The following ADAP2 variants were observed in gnomAD, a reference collection of about 807,000 sequenced individuals.
ADAP2 encodes arf-GAP with dual PH domain-containing protein 2.
In ADAP2, 42 loss-of-function variants were observed where a neutral mutation model predicts 54.9. That is an observed-to-expected ratio of 0.77 (90% confidence interval 0.60 to 0.99). The LOEUF is 0.99. Among genes scored for constraint, ADAP2 ranks in the 50% least tolerant of loss-of-function variants. ADAP2 has a pLI of 0.00. For missense variants in ADAP2, 429 were observed against 480.4 expected (o/e 0.89, Z 1.00); for synonymous variants, 177 against 180.1 (o/e 0.98, Z 0.14).
intron 6 of ADAP2, among the ~76,000 whole-genome samples, chr17:30,946,768 C>T (rs7216725): frequency 0.21 from 31,827 of 152,114 alleles, 10,486 homozygotes; most frequent in African/African-American, 0.7. Context: ...TATTGAGTCA[C>T]GGACATGTTA....
At chr17:30,949,431 T>A in intron 7 of ADAP2, 61 bp downstream of exon 7, 2 of 1,489,278 alleles carry the variant, frequency 1.3e-6, no homozygotes, top group Non-Finnish European at 9.4e-7. Context: ...TCTTTCCCTG[T>A]CTGTTGACCT....
At chr17:30,953,014 A>G (rs1378608274) in intron 7 of ADAP2, among the ~76,000 whole-genome samples, 1 of 152,144 alleles carries the variant, frequency 6.6e-6, no homozygotes, top group African/African-American at 2.4e-5. Context: ...GTCTCTGCAG[A>G]GCCTTGCCTA....
At chr17:30,950,751 C>G (rs1047574044) in intron 7 of ADAP2, among the ~76,000 whole-genome samples, 1 of 152,114 alleles carries the variant, frequency 6.6e-6, no homozygotes, top group Admixed American at 6.6e-5. Flanking sequence ...CAGCAAGGCC[C>G]GAGTCAGAGC....
At chr17:30,940,422 A>G (rs1015720054) in intron 5 of ADAP2, among the ~76,000 whole-genome samples, 2 of 151,828 alleles carry the variant, frequency 1.3e-5, no homozygotes, top group Non-Finnish European at 2.9e-5. Flanking sequence ...GTCCTGCCTC[A>G]GCCTCCCCAG....
chr17:30,936,432 G>GC (rs1911886261), intron 5 of ADAP2, among the ~76,000 whole-genome samples: 1 of 152,052 alleles, frequency 6.6e-6, no homozygotes, highest in Non-Finnish European at 1.5e-5. Context: ...CAAAGTACTA[G>GC]GATTATAGAT....
chr17:30,947,795 T>C (rs1164673631), intron 6 of ADAP2, among the ~76,000 whole-genome samples: 2 of 152,222 alleles, frequency 1.3e-5, no homozygotes, highest in African/African-American at 2.4e-5. Context: ...CACCACATTA[T>C]ATCAAAGTCA....
rs1598063064 is a variant in ADAP2, at chr17:30,957,932, A to G, written c.*63A>G. 2 of 1,532,290 alleles carry G rather than the reference A, an allele frequency of 1.3e-6. No individual in the cohort carries two copies. The highest frequency in any genetic ancestry group is 1.8e-6 in the Non-Finnish European group (2 of 1,116,622). 94.9% of individuals were successfully genotyped at this position (1,532,290 alleles called of 1,614,324 possible). A position where few individuals can be genotyped will look rare whatever the true frequency, so the allele number is the denominator to read the frequency against. On this transcript the variant is annotated 3_prime_UTR_variant, in exon 11 of 11. Transcript: ENST00000330889. ...GAACTCCTTGTGGGAAGAAGTTTGC[A>G]CCTCGGCCCTGGCTGCCCACCATCA...
At position 30,921,947 on chromosome 17, in the gene ADAP2, C is replaced by G; in HGVS notation, c.-68C>G. On this transcript the variant is annotated 5_prime_UTR_variant, in exon 1 of 11. Coordinates refer to ENST00000330889, the MANE Select transcript of ADAP2 (RefSeq NM_018404.3). Reference sequence around the variant, plus strand: ...CCTGGCTGAGGCGCCGCGGCCGGGTCCCTCTCCACCTGCCGGGCGGAGCGC... The same window carrying G: ...CCTGGCTGAGGCGCCGCGGCCGGGTGCCTCTCCACCTGCCGGGCGGAGCGC... 9.0e-7 allele frequency: 1 copy of G among 1,110,618 alleles called. No individual in the cohort carries two copies. Among genetic ancestry groups the G allele is most frequent in the Non-Finnish European group, 1.1e-6 (1 of 882,456 alleles). The allele number at this position is 1,110,618 out of a possible 1,614,324, so 68.8% of individuals were successfully genotyped here. A position where few individuals can be genotyped will look rare whatever the true frequency, so the allele number is the denominator to read the frequency against.
At chr17:30,946,997 T>C (rs947604625) in intron 6 of ADAP2, among the ~76,000 whole-genome samples, 1 of 152,146 alleles carries the variant, frequency 6.6e-6, no homozygotes, top group African/African-American at 2.4e-5. Context: ...GATACCCAGC[T>C]CCCTCCTATC....
At chr17:30,927,332 G>A (rs1167263074) in intron 3 of ADAP2, among the ~76,000 whole-genome samples, 1 of 152,246 alleles carries the variant, frequency 6.6e-6, no homozygotes, top group East Asian at 1.9e-4. Flanking sequence ...GTCTAGAGCT[G>A]GCCAGGCACG....
chr17:30,951,402 C>T (rs1904617240), intron 7 of ADAP2, among the ~76,000 whole-genome samples: 1 of 152,040 alleles, frequency 6.6e-6, no homozygotes, highest in Admixed American at 6.6e-5. Flanking sequence ...GTTCGGGACT[C>T]CATCTGTTTT....
At chr17:30,946,357 C>T (rs1912679089) in intron 6 of ADAP2, among the ~76,000 whole-genome samples, 1 of 151,804 alleles carries the variant, frequency 6.6e-6, no homozygotes, top group Non-Finnish European at 1.5e-5. Context: ...CTCAGCCTCC[C>T]GAGTGGCTGA....
intron 4 of ADAP2, 75 bp downstream of exon 4, chr17:30,932,043 G>A (rs1911526307): frequency 7.2e-7 from 1 of 1,396,456 alleles, no homozygotes; most frequent in African/African-American, 1.4e-5. Flanking sequence ...TAAATATTAG[G>A]AGCAAGATCC....
At chr17:30,957,431 T>A (rs1347687395) in intron 10 of ADAP2, among the ~76,000 whole-genome samples, 7 of 151,682 alleles carry the variant, frequency 4.6e-5, no homozygotes, top group South Asian at 2.1e-4. Flanking sequence ...TTTTTTTTTT[T>A]AATTTTCTTT....
intron 4 of ADAP2, among the ~76,000 whole-genome samples, chr17:30,933,574 G>A (rs1301123488): frequency 1.3e-5 from 2 of 151,902 alleles, no homozygotes; most frequent in Non-Finnish European, 1.5e-5. Context: ...ATCTCGGCTC[G>A]CTGCAACCTC....
At chr17:30,926,756 C>A in intron 2 of ADAP2, 71 bp from the exon 3 acceptor site, 2 of 1,369,898 alleles carry the variant, frequency 1.5e-6, no homozygotes, top group South Asian at 1.2e-5. Flanking sequence ...CAGCCTAAGT[C>A]AGTGGCCTCA....
chr17:30,951,507 T>A lies in ADAP2; in HGVS notation c.742-1781T>A, dbSNP rs192661565. ...GTTTCTTACATTAAAAATTTTTTTT[T>A]AATTTTTTATAGAGATGATGTCTCA... On this transcript the variant is annotated intron_variant, in intron 7 of 10. Transcript: ENST00000330889. Among the ~76,000 whole-genome samples the A allele has an allele frequency of 1.7e-3, 256 of 152,154 alleles. 2 individuals are homozygous for A. The highest frequency in any genetic ancestry group is 3.4e-3 in the Middle Eastern group (1 of 292).
chr17:30,944,789 A>G lies in ADAP2; in HGVS notation c.511-118A>G, dbSNP rs1037309858. On this transcript the variant is annotated intron_variant, in intron 5 of 10. Transcript: ENST00000330889. ...TCTGAATTTCGATATGAGAGCAAGA[A>G]CATTTAAAACCCATATATTTACAGA... 8 of 1,065,690 alleles carry G rather than the reference A, an allele frequency of 7.5e-6. No individual in the cohort carries two copies. The African/African-American group carries it at 1.1e-4, about 15-fold the overall frequency. 66.0% of individuals were successfully genotyped at this position (1,065,690 alleles called of 1,614,324 possible).
chr17:30,924,115 A>G (rs530851382), intron 2 of ADAP2, among the ~76,000 whole-genome samples: 110 of 152,242 alleles, frequency 7.2e-4, no homozygotes, highest in African/African-American at 2.5e-3. Flanking sequence ...GCTCACACCT[A>G]TAATCCCAGC....
Sources: allele counts gnomAD v4.1 joint callset (sites outside exome capture counted in the v4.1 genomes callset), GRCh38; gene constraint gnomAD v4.1.1; transcripts MANE v1.5; gene names NCBI Gene and HGNC (gene_info 2026-07-23, HGNC 2026-07-21).